Variants in TXNRD2 observed in about 807,000 individuals in gnomAD.
TXNRD2 encodes thioredoxin reductase 2, mitochondrial.
TXNRD2 carries 67 observed loss-of-function variants against 70.8 expected under a neutral mutation model. That is an observed-to-expected ratio of 0.95 (90% confidence interval 0.78 to 1.16). The LOEUF (loss-of-function observed/expected upper bound fraction) is 1.16, where lower values mean the gene tolerates loss of function less well. Among genes scored for constraint, TXNRD2 ranks in the 50% most tolerant of loss-of-function variants. TXNRD2 has a pLI of 0.00. For missense variants in TXNRD2, 644 were observed against 719.9 expected (o/e 0.89, Z 1.21); for synonymous variants, 301 against 295.8 (o/e 1.02, Z -0.18).
intron 7 of TXNRD2, among the ~76,000 whole-genome samples, chr22:19,913,512 T>A (rs1940505530): frequency 1.3e-5 from 2 of 152,292 alleles, no homozygotes; most frequent in South Asian, 4.2e-4. Context: ...CTAAAAGCCT[T>A]TCTCTGGGGG....
chr22:19,883,516 G>A (rs1938884294), intron 11 of TXNRD2, 55 bp from the exon 12 acceptor site: 2 of 1,611,992 alleles, frequency 1.2e-6, no homozygotes, highest in South Asian at 1.1e-5. Context: ...TTGACCTAGA[G>A]CGGTTGTGTT....
At chr22:19,913,452 C>T (rs1467683754) in intron 7 of TXNRD2, among the ~76,000 whole-genome samples, 1 of 152,156 alleles carries the variant, frequency 6.6e-6, no homozygotes, top group African/African-American at 2.4e-5. Context: ...GAGTCAGAGT[C>T]AGCAACTATA....
intron 11 of TXNRD2, chr22:19,894,985 A>C: frequency 6.8e-7 from 1 of 1,468,548 alleles, no homozygotes. Context: ...AAAAAAAAAA[A>C]AGAAAAGAAA....
At position 19,879,559 on chromosome 22, in the gene TXNRD2, C is replaced by CG. The variant is rs1208037886; in HGVS notation, c.1275+619dup. ...TCAGGATGTGGTGGGGGGCGGGGGGCGGGGGGCTCTCGCCTGGGAGAAACC... is the reference window on the plus strand; with the variant it reads ...TCAGGATGTGGTGGGGGGCGGGGGGCGGGGGGGCTCTCGCCTGGGAGAAACC... On this transcript the variant is annotated intron_variant, in intron 14 of 17. Transcript: ENST00000400521. 6.0e-4 allele frequency among the ~76,000 whole-genome samples: 5 copies of CG among 8,336 alleles called. 1 individual carries two copies. Among genetic ancestry groups the CG allele is most frequent in the African/African-American group, 2.6e-3 (5 of 1,942 alleles). 5.5% of individuals were successfully genotyped at this position (8,336 alleles called of 152,430 possible).
At chr22:19,940,197 A>C (rs1267932739) in intron 1 of TXNRD2, among the ~76,000 whole-genome samples, 1 of 139,186 alleles carries the variant, frequency 7.2e-6, no homozygotes, top group African/African-American at 2.6e-5. Flanking sequence ...GTGAGCTGAG[A>C]TCGCACCACT....
chr22:19,885,222 G>A lies in TXNRD2; in HGVS notation c.950-1761C>T, dbSNP rs1456687435. Among the ~76,000 whole-genome samples, 7 of 152,204 alleles carry A rather than the reference G, an allele frequency of 4.6e-5. 1 individual carries two copies. The South Asian group carries it at 8.3e-4, about 18-fold the overall frequency. On this transcript the variant is annotated intron_variant, in intron 11 of 17. Transcript: ENST00000400521. ...CAGCTTTTCCCTCCCAACCCCAGGT[G>A]CTCTCGGCTCCCAGGGGCTCAGGAT...
Position 19,918,227 on chromosome 22 carries a change from T to A in TXNRD2, c.375-10A>T. 1 of 1,613,998 alleles carries A rather than the reference T, an allele frequency of 6.2e-7. No homozygotes were observed. The highest frequency in any genetic ancestry group is 1.1e-5 in the South Asian group (1 of 91,086). ...TTCTGCCATCTTCCTCCTGTGAAGA[T>A]ACGAAACAAAATGTAAAATCCACAA... is the stretch of plus-strand genomic sequence containing the variant. On this transcript the variant is annotated splice_polypyrimidine_tract_variant and intron_variant, in intron 4 of 17. Transcript: ENST00000400521.
chr22:19,918,198 C>T lies in TXNRD2; in HGVS notation c.394G>A (p.Val132Ile). ...TTCAAGGATTTCACGTGATTTTGAA[C>T]AGCTTCTGCCATCTTCCTCCTGTGA... Reference protein sequence around the residue: ...PHDWRKMAEAVQNHVKSLNWG... With the variant: ...PHDWRKMAEAIQNHVKSLNWG... Residue 132 changes from valine (V) to isoleucine (I), a missense_variant, in exon 5 of 18, where the codon GTT (valine) becomes ATT (isoleucine). By Grantham distance (29) the Val-to-Ile change is conservative. Transcript: ENST00000400521. The T allele has an allele frequency of 6.2e-7, 1 of 1,614,222 alleles. No individual in the cohort carries two copies. Among genetic ancestry groups the T allele is most frequent in the Non-Finnish European group, 8.5e-7 (1 of 1,180,042 alleles).
intron 14 of TXNRD2, 45 bp downstream of exon 14, chr22:19,880,134 C>T (rs767125123): frequency 2.3e-5 from 37 of 1,594,676 alleles, no homozygotes; most frequent in Non-Finnish European, 2.7e-5. Flanking sequence ...GGGGTGAGGT[C>T]GTGGAGTCGC....
chr22:19,896,198 T>C (rs1939498675), intron 10 of TXNRD2, among the ~76,000 whole-genome samples: 1 of 151,282 alleles, frequency 6.6e-6, no homozygotes, highest in Non-Finnish European at 1.5e-5. Context: ...ACTGGGAGGC[T>C]GAGGCAGGAG....
chr22:19,918,032 C>T lies in TXNRD2; in HGVS notation c.449+111G>A, dbSNP rs77573782. 0.049 allele frequency: 46,295 copies of T among 935,372 alleles called. 1,422 individuals are homozygous for T. Among genetic ancestry groups the T allele is most frequent in the Non-Finnish European group, 0.062 (35,600 of 577,536 alleles). 57.9% of individuals were successfully genotyped at this position (935,372 alleles called of 1,614,324 possible). ...CCCCACCCATGAGCAGGACATGAAC[C>T]CCCAGAGCCTGCCAGAGCATGCTCT... On this transcript the variant is annotated intron_variant, in intron 5 of 17. Transcript: ENST00000400521.
chr22:19,930,491 C>A (rs971163470), intron 2 of TXNRD2, among the ~76,000 whole-genome samples: 1 of 152,126 alleles, frequency 6.6e-6, no homozygotes, highest in Non-Finnish European at 1.5e-5. Context: ...CCAGCCCGTT[C>A]GCCCAACATC....
intron 1 of TXNRD2, among the ~76,000 whole-genome samples, chr22:19,937,530 C>T (rs1941572919): frequency 6.6e-6 from 1 of 152,132 alleles, no homozygotes; most frequent in African/African-American, 2.4e-5. Flanking sequence ...TCAAAATTTA[C>T]CTGATCATGA....
intron 9 of TXNRD2, 127 bp downstream of exon 9, chr22:19,898,922 C>G (rs553996059): frequency 8.2e-7 from 1 of 1,219,404 alleles, no homozygotes; most frequent in Non-Finnish European, 1.2e-6. Flanking sequence ...TCCTCCACGC[C>G]GAGAGGCCCA....
Position 19,915,126 on chromosome 22 carries a change from G to A in TXNRD2, c.591+88C>T. The stretch of plus-strand genomic sequence containing the variant: ...GGGAAAGGGTGTGCAAGCTGCTGCT[G>A]TGGGAAGCACGTGTGTAAAAACGTA... On this transcript the variant is annotated intron_variant, in intron 7 of 17. Coordinates refer to ENST00000400521, the MANE Select transcript of TXNRD2 (RefSeq NM_006440.5). 1.5e-5 allele frequency: 19 copies of A among 1,238,726 alleles called. No individual in the cohort carries two copies. The South Asian group carries it at 2.4e-4, about 16-fold the overall frequency. The allele number at this position is 1,238,726 out of a possible 1,614,324, so 76.7% of individuals were successfully genotyped here.
chr22:19,908,375 C>G (rs1323365262), intron 8 of TXNRD2, among the ~76,000 whole-genome samples: 1 of 152,114 alleles, frequency 6.6e-6, no homozygotes, highest in Non-Finnish European at 1.5e-5. Flanking sequence ...GGCAGCTCCC[C>G]TTGTAAAGCG....
intron 8 of TXNRD2, among the ~76,000 whole-genome samples, 183 bp from the exon 9 acceptor site, chr22:19,899,251 G>A (rs1939661387): frequency 1.3e-5 from 2 of 152,246 alleles, no homozygotes; most frequent in African/African-American, 4.8e-5. Flanking sequence ...TGTCAAGCAT[G>A]TTGTGAATCA....
intron 1 of TXNRD2, among the ~76,000 whole-genome samples, chr22:19,940,432 T>C (rs1941671458): frequency 6.6e-6 from 1 of 152,256 alleles, no homozygotes; most frequent in East Asian, 1.9e-4. Context: ...GTTCAGTTTG[T>C]TCTTTCCCTT....
intron 1 of TXNRD2, among the ~76,000 whole-genome samples, chr22:19,941,428 T>C (rs746522569): frequency 5.3e-5 from 8 of 152,118 alleles, no homozygotes; most frequent in Non-Finnish European, 1.0e-4. Flanking sequence ...TAGTTGTTAC[T>C]GGGATACCAG....
Sources: gnomAD v4.1 joint callset for allele counts (sites outside exome capture counted in the v4.1 genomes callset) on GRCh38, gnomAD v4.1.1 for gene constraint, MANE v1.5 for transcripts, NCBI Gene and HGNC (gene_info 2026-07-23, HGNC 2026-07-21) for gene names.